LARGE1: variants seen among roughly 807,000 people sequenced by gnomAD.
The protein encoded by LARGE1 is xylosyl- and glucuronyltransferase LARGE1.
In LARGE1, 43 loss-of-function variants were observed where a neutral mutation model predicts 87.6. That is an observed-to-expected ratio of 0.49 (90% CI 0.38 to 0.63). The LOEUF is 0.63. LARGE1 is among the 30% of genes least tolerant of loss of function. The pLI is 0.00. For missense variants in LARGE1, 802 were observed against 1,000.2 expected, an observed-to-expected ratio of 0.80 and a Z score of 2.67; for synonymous variants, 434 against 394.6, an observed-to-expected ratio of 1.10 and a Z score of -1.18.
intron 2 of LARGE1, among the ~76,000 whole-genome samples, chr22:33,693,129 A>G (rs916025242): frequency 2.0e-5 from 3 of 152,212 alleles, no homozygotes; most frequent in Admixed American, 6.5e-5. Flanking sequence ...CACTATCCTA[A>G]GCAAATTGAC....
intron 6 of LARGE1, among the ~76,000 whole-genome samples, chr22:33,503,766 T>C (rs1462246924): frequency 6.6e-6 from 1 of 151,670 alleles, no homozygotes; most frequent in Admixed American, 6.6e-5. Context: ...ATCACTGCAC[T>C]CTAGCCTGGG....
chr22:33,808,682 G>A (rs896196243), intron 1 of LARGE1, among the ~76,000 whole-genome samples: 1 of 152,210 alleles, frequency 6.6e-6, no homozygotes, highest in African/African-American at 2.4e-5. Context: ...ACAGTGACGA[G>A]TACACTGGAG....
intron 9 of LARGE1, among the ~76,000 whole-genome samples, chr22:33,354,949 G>C (rs1940751888): frequency 6.6e-6 from 1 of 152,112 alleles, no homozygotes; most frequent in Non-Finnish European, 1.5e-5. Flanking sequence ...TTTCATAAGA[G>C]CAAAAGGGTT....
chr22:33,893,462 T>G (rs547665857), intron 1 of LARGE1, among the ~76,000 whole-genome samples: 1 of 152,288 alleles, frequency 6.6e-6, no homozygotes, highest in South Asian at 2.1e-4. Flanking sequence ...ACAGAAACCC[T>G]GCCGTCATCA....
At chr22:33,070,583 G>T in the LARGE1 span, among the ~76,000 whole-genome samples, 1 of 152,146 alleles carries the variant, frequency 6.6e-6, no homozygotes, top group African/African-American at 2.4e-5. Flanking sequence ...ATACAACAGA[G>T]ATAAACAAAG....
chr22:33,885,192 G>C (rs1053864638), intron 1 of LARGE1, among the ~76,000 whole-genome samples: 4 of 145,722 alleles, frequency 2.7e-5, no homozygotes, highest in African/African-American at 1.0e-4. Flanking sequence ...ACAAGGGTGT[G>C]TGTTCCACAG....
chr22:33,274,691 G>A (rs1235012599), intron 14 of LARGE1, 67 bp from the exon 15 acceptor site: 2 of 1,377,232 alleles, frequency 1.5e-6, no homozygotes, highest in East Asian at 2.3e-5. Context: ...GAAGGCCCAA[G>A]CGAATGATTG....
intron 6 of LARGE1, among the ~76,000 whole-genome samples, chr22:33,561,978 C>T (rs1306003953): frequency 6.6e-6 from 1 of 152,156 alleles, no homozygotes; most frequent in Admixed American, 6.6e-5. Flanking sequence ...CCACTGCAGC[C>T]CCAGACAACC....
chr22:33,847,756 AC>A lies in LARGE1; in HGVS notation c.-83+72238del, dbSNP rs2063476619. 2.6e-5 allele frequency among the ~76,000 whole-genome samples: 4 copies of A among 152,172 alleles called. No individual in the cohort carries two copies. In the South Asian group the frequency reaches 8.3e-4, roughly 32 times the overall value. On this transcript the variant is annotated intron_variant, in intron 1 of 14. Transcript: ENST00000397394. ...CTCATTGTAAACTAGAAAAAGCCAAACAGTTCCTGGTTTTCACCATTTCTCA... is the reference window on the plus strand; with the variant it reads ...CTCATTGTAAACTAGAAAAAGCCAAAAGTTCCTGGTTTTCACCATTTCTCA...
chr22:33,587,597 T>C (rs1238767560), intron 5 of LARGE1, among the ~76,000 whole-genome samples: 7 of 152,194 alleles, frequency 4.6e-5, no homozygotes, highest in Non-Finnish European at 8.8e-5. Flanking sequence ...GCTCCTTATG[T>C]ATTACATGCT....
At position 33,650,614 on chromosome 22, in the gene LARGE1, T is replaced by C; in HGVS notation, c.161A>G (p.Tyr54Cys). The C allele has an allele frequency of 1.2e-6, 2 of 1,604,142 alleles. No homozygotes were observed. Among genetic ancestry groups the C allele is most frequent in the Non-Finnish European group, 1.7e-6 (2 of 1,179,938 alleles). ...GCGCTCCCGCTGGCTGGAGGCCGTG[T>C]ACCTGGGGCTGTGTGCCTGGGACTC... ...PLESQAHSPR[Y>C]TASSQRERES... is the part of the protein sequence containing the mutation. The change falls in exon 3 of 15, where the codon TAC becomes TGC. Residue 54 changes from tyrosine (Y) to cysteine (C), a missense_variant. By Grantham distance (194) the Tyr-to-Cys change is radical. Transcript: ENST00000397394.
the LARGE1 span, among the ~76,000 whole-genome samples, chr22:33,100,773 A>G: frequency 6.6e-6 from 1 of 151,884 alleles, no homozygotes; most frequent in Non-Finnish European, 1.5e-5. Context: ...GAGCTCAGAG[A>G]TTGCATCTTG....
chr22:33,145,999 C>T, the LARGE1 span, among the ~76,000 whole-genome samples: 5 of 152,178 alleles, frequency 3.3e-5, no homozygotes, highest in African/African-American at 1.2e-4. Context: ...CTATTGAATA[C>T]ACCATGAAAA....
At chr22:33,276,254 CCTT>C (rs1411262456) in intron 14 of LARGE1, among the ~76,000 whole-genome samples, 1 of 151,372 alleles carries the variant, frequency 6.6e-6, no homozygotes, top group Non-Finnish European at 1.5e-5. Flanking sequence ...ACCGAGGAAT[CCTT>C]CTTCTAATTT....
intron 10 of LARGE1, among the ~76,000 whole-genome samples, chr22:33,319,146 G>T (rs757854607): frequency 3.7e-4 from 56 of 152,102 alleles, no homozygotes; most frequent in Admixed American, 6.6e-5. Flanking sequence ...TTACTAAAGC[G>T]GCACAGTTTA....
intron 11 of LARGE1, among the ~76,000 whole-genome samples, chr22:33,221,451 A>G (rs1035300442): frequency 5.9e-5 from 9 of 152,248 alleles, no homozygotes; most frequent in Admixed American, 2.0e-4. Flanking sequence ...CAAGTTATTT[A>G]AAACTGGGTA....
chr22:33,459,909 G>T (rs1280425257), intron 6 of LARGE1, among the ~76,000 whole-genome samples: 2 of 152,186 alleles, frequency 1.3e-5, no homozygotes, highest in African/African-American at 2.4e-5. Context: ...CTGTAAGCTG[G>T]TCCATAGTGG....
intron 11 of LARGE1, among the ~76,000 whole-genome samples, chr22:33,245,006 G>A (rs7289690): frequency 1.3e-5 from 2 of 151,958 alleles, no homozygotes; most frequent in African/African-American, 2.4e-5. Flanking sequence ...CTCAACATAA[G>A]CTCCATCAAG....
At chr22:33,601,738 C>A (rs143885453) in intron 5 of LARGE1, among the ~76,000 whole-genome samples, 4 of 152,084 alleles carry the variant, frequency 2.6e-5, no homozygotes, top group Non-Finnish European at 5.9e-5. Flanking sequence ...TAGTAGACAT[C>A]GGGTTAGAGG....
Sources: allele counts gnomAD v4.1 joint callset (sites outside exome capture counted in the v4.1 genomes callset), GRCh38; gene constraint gnomAD v4.1.1; transcripts MANE v1.5; gene names NCBI Gene and HGNC (gene_info 2026-07-23, HGNC 2026-07-21).